Variants in SCARB2 observed in about 807,000 individuals in gnomAD.
SCARB2 encodes lysosome membrane protein 2.
Under a neutral mutation model 58.6 loss-of-function variants are expected in SCARB2, and 29 were observed. That is an observed-to-expected ratio of 0.49 (90% confidence interval 0.37 to 0.67). The LOEUF is 0.67. SCARB2 is among the 30% of genes least tolerant of loss of function. The pLI is 0.00. For synonymous variants in SCARB2, 195 were observed against 210.1 expected (o/e 0.93, Z 0.62); for missense variants, 488 against 578.5 (o/e 0.84, Z 1.60).
intron 1 of SCARB2, among the ~76,000 whole-genome samples, chr4:76,226,168 G>A (rs1450050196): frequency 1.3e-5 from 2 of 152,116 alleles, no homozygotes; most frequent in Non-Finnish European, 2.9e-5. Context: ...GGGAGCCAAC[G>A]CTAGTATGGA....
At chr4:76,230,113 G>T (rs1402021265) in intron 1 of SCARB2, among the ~76,000 whole-genome samples, 1 of 152,156 alleles carries the variant, frequency 6.6e-6, no homozygotes, top group African/African-American at 2.4e-5. Context: ...TGTCTTTTGT[G>T]ATTGGCTATT....
chr4:76,197,586 T>C (rs35634209), intron 1 of SCARB2, among the ~76,000 whole-genome samples: 3,492 of 152,264 alleles, frequency 0.023, 119 homozygotes, highest in African/African-American at 0.08. Flanking sequence ...ACCGTGGCAG[T>C]AGAGGCCTGA....
chr4:76,206,103 G>T (rs1732925963), intron 1 of SCARB2, among the ~76,000 whole-genome samples: 1 of 152,138 alleles, frequency 6.6e-6, no homozygotes, highest in African/African-American at 2.4e-5. Flanking sequence ...CTCATAAAAG[G>T]TACCCCAGAG....
At chr4:76,182,699 T>G (rs1732409028) in intron 2 of SCARB2, among the ~76,000 whole-genome samples, 1 of 152,240 alleles carries the variant, frequency 6.6e-6, no homozygotes, top group African/African-American at 2.4e-5. Flanking sequence ...AGTGACATCA[T>G]TTAGATTGTG....
rs767251729 is a variant in SCARB2 at position 76,195,858 on chromosome 4, C to T, written c.124G>A (p.Val42Met). The change falls in exon 2 of 12, where the codon GTG (valine) becomes ATG (methionine). Residue 42 changes from valine to methionine, a missense_variant. Transcript: ENST00000264896. The part of the protein sequence containing the change: ...AVDQSIEKKI[V>M]LRNGTEAFDS... ...AATGCCTCAGTACCATTCCTTAACACAATTTTCTAGGAAAAAACCAAAAGG... is the reference window on the plus strand; with the variant it reads ...AATGCCTCAGTACCATTCCTTAACATAATTTTCTAGGAAAAAACCAAAAGG... 9.3e-6 allele frequency: 15 copies of T among 1,607,520 alleles called. No individual in the cohort carries two copies. Among genetic ancestry groups the T allele is most frequent in the Non-Finnish European group, 1.1e-5 (13 of 1,178,088 alleles).
intron 2 of SCARB2, among the ~76,000 whole-genome samples, chr4:76,190,975 A>C (rs952156112): frequency 1.3e-5 from 2 of 152,236 alleles, no homozygotes; most frequent in Non-Finnish European, 2.9e-5. Flanking sequence ...AAGATTGTAA[A>C]GTATCTCATT....
At chr4:76,192,226 C>T (rs1046960735) in intron 2 of SCARB2, 3 of 152,096 alleles carry the variant, frequency 2.0e-5, no homozygotes, top group Non-Finnish European at 4.4e-5. Flanking sequence ...CAGAAGAAGA[C>T]AAGAAGATGA....
rs760725013 is a variant in SCARB2 at position 76,181,021 on chromosome 4, A to C, written c.356T>G (p.Phe119Cys). 1 of 1,613,870 alleles carries C rather than the reference A, an allele frequency of 6.2e-7. No individual in the cohort carries two copies. The highest frequency in any genetic ancestry group is 8.5e-7 in the Non-Finnish European group (1 of 1,179,884). The change falls in exon 3 of 12, where the codon TTT becomes TGT. Residue 119 changes from phenylalanine to cysteine, a missense_variant. By Grantham distance (205) the Phe-to-Cys change is radical. Transcript: ENST00000264896. ...ISAVSNKAYVFERDQSVGDPK... is the reference protein window; with the variant it reads ...ISAVSNKAYVCERDQSVGDPK... ...GTCTCCAACAGATTGGTCTCGTTCA[A>C]AAACATAGGCCTTGTTGCTAACAGC... is the stretch of plus-strand genomic sequence containing the variant.
intron 1 of SCARB2, among the ~76,000 whole-genome samples, chr4:76,212,574 C>A (rs995428455): frequency 1.3e-5 from 2 of 152,204 alleles, no homozygotes; most frequent in African/African-American, 4.8e-5. Context: ...AAGGCTGCTG[C>A]TCCAGTGATT....
At chr4:76,208,223 C>G (rs758434616) in intron 1 of SCARB2, among the ~76,000 whole-genome samples, 1 of 152,112 alleles carries the variant, frequency 6.6e-6, no homozygotes, top group Non-Finnish European at 1.5e-5. Context: ...TGTTAGCCTA[C>G]TATATTGTCT....
At chr4:76,201,740 T>C (rs915407252) in intron 1 of SCARB2, among the ~76,000 whole-genome samples, 1 of 152,260 alleles carries the variant, frequency 6.6e-6, no homozygotes, top group Non-Finnish European at 1.5e-5. Flanking sequence ...GGTCTATTTT[T>C]ATGCATAATT....
At chr4:76,166,372 C>T in intron 9 of SCARB2, 71 bp from the exon 10 acceptor site, 2 of 1,442,994 alleles carry the variant, frequency 1.4e-6, no homozygotes, top group African/African-American at 1.4e-5. Context: ...CGGACAGACA[C>T]ATTTATATGA....
At chr4:76,192,207 T>C (rs1732620661) in intron 2 of SCARB2, 1 of 152,286 alleles carries the variant, frequency 6.6e-6, no homozygotes, top group Non-Finnish European at 1.5e-5. Context: ...GGGAAGAGTT[T>C]GGAGGGCTCA....
rs1732395684 is a variant in SCARB2 at position 76,181,963 on chromosome 4, A to G, written c.276-862T>C. ...AGCGCCTGGTGCCAGGGCTGGGCCT[A>G]GAGTCAGTGTGAGTGATGTAAGAGG... On this transcript the variant is annotated intron_variant, in intron 2 of 11. Transcript: ENST00000264896. Among the ~76,000 whole-genome samples the G allele has an allele frequency of 3.3e-5, 5 of 152,210 alleles. No homozygotes were observed. The South Asian group carries it at 1.0e-3, about 32-fold the overall frequency.
intron 1 of SCARB2, among the ~76,000 whole-genome samples, chr4:76,203,523 G>A (rs572977158): frequency 7.4e-4 from 112 of 152,302 alleles, no homozygotes; most frequent in South Asian, 2.9e-3. Flanking sequence ...TACTGGAGAA[G>A]CATAACAGTT....
At chr4:76,174,939 A>ACG in intron 6 of SCARB2, 1 of 156,228 alleles carries the variant, frequency 6.4e-6, no homozygotes, top group Admixed American at 6.2e-5. Flanking sequence ...TACACTGCAT[A>ACG]GTGCCTAACC....
upstream of SCARB2, chr4:76,214,530 G>C: frequency 2.9e-6 from 1 of 346,420 alleles, no homozygotes; most frequent in Non-Finnish European, 5.7e-6. Context: ...CGGAGGTGTT[G>C]AGGCCCCAAG....
chr4:76,211,845 T>C (rs1733053746), intron 1 of SCARB2, among the ~76,000 whole-genome samples: 3 of 152,224 alleles, frequency 2.0e-5, no homozygotes, highest in African/African-American at 7.2e-5. Flanking sequence ...CAGTCCTCCT[T>C]AGCTGGGATT....
chr4:76,185,897 T>C lies in SCARB2; in HGVS notation c.276-4796A>G, dbSNP rs576725627. Among the ~76,000 whole-genome samples the C allele has an allele frequency of 7.2e-5, 11 of 152,290 alleles. No individual in the cohort carries two copies. The East Asian group carries it at 2.1e-3, about 29-fold the overall frequency. ...TTCTGTGCCTCAGTTTCCTCATCTGTAAAATGGAGGTAATAACGTACTCAC... is the reference window on the plus strand; with the variant it reads ...TTCTGTGCCTCAGTTTCCTCATCTGCAAAATGGAGGTAATAACGTACTCAC... On this transcript the variant is annotated intron_variant, in intron 2 of 11. Transcript: ENST00000264896.
Sources: gnomAD v4.1 joint callset for allele counts (sites outside exome capture counted in the v4.1 genomes callset) on GRCh38, gnomAD v4.1.1 for gene constraint, MANE v1.5 for transcripts, NCBI Gene and HGNC (gene_info 2026-07-23, HGNC 2026-07-21) for gene names.